LRBA: variants seen among roughly 807,000 people sequenced by gnomAD.
LRBA encodes the protein LPS responsive beige-like anchor protein.
In LRBA, 176 loss-of-function variants were observed where a neutral mutation model predicts 330.0. That is an observed-to-expected ratio of 0.53 (90% CI 0.47 to 0.60). The LOEUF is 0.60. Among genes scored for constraint, LRBA ranks in the 20% least tolerant of loss-of-function variants. LRBA has a pLI of 0.00. For synonymous variants in LRBA, 1,230 were observed against 1,193.0 expected (o/e 1.03, Z -0.64); for missense variants, 3,259 against 3,444.8 (o/e 0.95, Z 1.35).
intron 19 of LRBA, among the ~76,000 whole-genome samples, chr4:150,870,874 A>C (rs992218828): frequency 5.3e-5 from 8 of 152,242 alleles, no homozygotes; most frequent in Non-Finnish European, 1.2e-4. Context: ...TACTGTTTAG[A>C]AATTCACAGA....
chr4:150,316,411 A>C (rs1036477139), intron 50 of LRBA, among the ~76,000 whole-genome samples: 2 of 152,130 alleles, frequency 1.3e-5, no homozygotes, highest in African/African-American at 4.8e-5. Flanking sequence ...AGGGAGAAGG[A>C]CTTTCGGTAG....
chr4:150,857,384 G>A (rs1751350478), intron 22 of LRBA, among the ~76,000 whole-genome samples: 1 of 152,084 alleles, frequency 6.6e-6, no homozygotes, highest in Middle Eastern at 3.2e-3. Flanking sequence ...ATAAAGATAG[G>A]AAGAACACTG....
chr4:150,803,008 T>C, intron 33 of LRBA, among the ~76,000 whole-genome samples: 1 of 122,374 alleles, frequency 8.2e-6, no homozygotes, highest in Non-Finnish European at 1.6e-5. Context: ...GGTGGCACGG[T>C]GAGACTCTGT....
At chr4:150,291,842 G>C (rs997136396) in intron 53 of LRBA, among the ~76,000 whole-genome samples, 18 of 151,846 alleles carry the variant, frequency 1.2e-4, no homozygotes, top group African/African-American at 4.4e-4. Context: ...AACAACGATA[G>C]ACTGGATTAA....
At chr4:150,747,339 T>C (rs374583447) in intron 35 of LRBA, among the ~76,000 whole-genome samples, 11 of 152,234 alleles carry the variant, frequency 7.2e-5, no homozygotes, top group African/African-American at 2.7e-4. Context: ...ACTTATTACT[T>C]TGAAACTTTC....
chr4:150,578,497 T>A (rs952311848), intron 40 of LRBA, among the ~76,000 whole-genome samples: 7 of 152,200 alleles, frequency 4.6e-5, no homozygotes, highest in Non-Finnish European at 1.0e-4. Context: ...ATTCCATTAA[T>A]AATTAAAAGT....
intron 37 of LRBA, among the ~76,000 whole-genome samples, chr4:150,663,193 T>G (rs866332832): frequency 6.6e-6 from 1 of 152,308 alleles, no homozygotes. Flanking sequence ...AAGTCACGGT[T>G]AATGAGAATT....
chr4:150,830,691 A>G (rs1747038442), intron 29 of LRBA, among the ~76,000 whole-genome samples: 1 of 151,510 alleles, frequency 6.6e-6, no homozygotes, highest in Admixed American at 6.6e-5. Flanking sequence ...AAACAGCAGT[A>G]CCCAGCCAAA....
At chr4:150,507,362 A>G (rs1312999475) in intron 40 of LRBA, among the ~76,000 whole-genome samples, 4 of 152,208 alleles carry the variant, frequency 2.6e-5, no homozygotes, top group Non-Finnish European at 4.4e-5. Flanking sequence ...ACAGCATGGT[A>G]CTGGTATCAA....
intron 37 of LRBA, among the ~76,000 whole-genome samples, chr4:150,625,739 G>A (rs1040991991): frequency 1.3e-5 from 2 of 148,268 alleles, no homozygotes; most frequent in African/African-American, 5.0e-5. Flanking sequence ...AGACAGTTTC[G>A]CTCTTTGTTG....
intron 40 of LRBA, among the ~76,000 whole-genome samples, chr4:150,507,057 A>G (rs1281838416): frequency 1.3e-5 from 2 of 151,732 alleles, no homozygotes; most frequent in Non-Finnish European, 2.9e-5. Flanking sequence ...ACTACAAACC[A>G]CTGCTCAATG....
intron 40 of LRBA, among the ~76,000 whole-genome samples, chr4:150,524,477 C>A (rs1009844504): frequency 2.6e-5 from 4 of 152,184 alleles, no homozygotes; most frequent in Admixed American, 1.3e-4. Context: ...GGGCACAAAC[C>A]CTGATTTCAC....
At chr4:150,533,946 T>C (rs545691634) in intron 40 of LRBA, among the ~76,000 whole-genome samples, 2 of 152,218 alleles carry the variant, frequency 1.3e-5, no homozygotes, top group East Asian at 3.9e-4. Context: ...CCCATTTGGC[T>C]CAGTCATGAA....
intron 2 of LRBA, among the ~76,000 whole-genome samples, chr4:150,941,901 G>GTAATATTTGTCT (rs1315175706): frequency 6.6e-6 from 1 of 151,752 alleles, no homozygotes; most frequent in Non-Finnish European, 1.5e-5. Flanking sequence ...AAAATTCTTA[G>GTAATATTTGTCT]TAATATTTGT....
intron 31 of LRBA, among the ~76,000 whole-genome samples, chr4:150,809,911 ATACGATACGATACG>A: frequency 7.1e-6 from 1 of 140,756 alleles, no homozygotes; most frequent in Non-Finnish European, 1.6e-5. Context: ...ATACGATACG[ATACGATACGATACG>A]ATACGATACT....
chr4:150,586,485 A>G (rs947217349), intron 40 of LRBA, among the ~76,000 whole-genome samples: 12 of 152,180 alleles, frequency 7.9e-5, no homozygotes, highest in African/African-American at 2.2e-4. Context: ...ATACAAAATT[A>G]AAACTTCTCC....
intron 53 of LRBA, among the ~76,000 whole-genome samples, chr4:150,292,517 TC>T (rs2126805924): frequency 6.6e-6 from 1 of 152,334 alleles, no homozygotes; most frequent in South Asian, 2.1e-4. Context: ...ATTTTCCTAT[TC>T]CTAGTTTTGT....
chr4:150,966,741 G>C (rs1237795958), intron 2 of LRBA, among the ~76,000 whole-genome samples: 6 of 152,170 alleles, frequency 3.9e-5, no homozygotes, highest in Admixed American at 1.3e-4. Flanking sequence ...GCATTTGGCT[G>C]AGTTAACAGA....
intron 37 of LRBA, among the ~76,000 whole-genome samples, chr4:150,624,395 T>A (rs1201732520): frequency 6.6e-6 from 1 of 151,284 alleles, no homozygotes; most frequent in Non-Finnish European, 1.5e-5. Flanking sequence ...AAAAATAAAA[T>A]CCCCACAAAC....
Sources: allele counts gnomAD v4.1 joint callset (sites outside exome capture counted in the v4.1 genomes callset), GRCh38; gene constraint gnomAD v4.1.1; transcripts MANE v1.5; gene names NCBI Gene and HGNC (gene_info 2026-07-23, HGNC 2026-07-21).